The following DLGAP2 variants were observed in gnomAD, a reference collection of about 807,000 sequenced individuals.
DLGAP2 encodes the protein DLG associated protein 2.
Under a neutral mutation model 100.3 loss-of-function variants are expected in DLGAP2, and 26 were observed. That is an observed-to-expected ratio of 0.26 (90% CI 0.19 to 0.36). The LOEUF (loss-of-function observed/expected upper bound fraction) is 0.36, where lower values mean the gene tolerates loss of function less well. DLGAP2 is among the 10% of genes least tolerant of loss of function. The pLI, the probability that DLGAP2 is intolerant of heterozygous loss-of-function variation, is 1.00. For synonymous variants in DLGAP2, 886 were observed against 630.1 expected (o/e 1.41, Z -6.08); for missense variants, 1,858 against 1,453.2 (o/e 1.28, Z -4.53).
At chr8:1,679,197 G>C (rs191479925) in intron 12 of DLGAP2, among the ~76,000 whole-genome samples, 1,517 of 83,754 alleles carry the variant, frequency 0.018, 5 homozygotes, top group Middle Eastern at 0.12. Context: ...ATTCCTCTAC[G>C]GGAGTCACCA....
intron 2 of DLGAP2, among the ~76,000 whole-genome samples, chr8:950,402 A>T (rs1194523304): frequency 1.3e-5 from 2 of 152,182 alleles, no homozygotes; most frequent in Non-Finnish European, 2.9e-5. Context: ...ACATAAAATA[A>T]TGCCTCTTAC....
At chr8:1,113,965 T>G (rs1805038434) in intron 2 of DLGAP2, among the ~76,000 whole-genome samples, 1 of 152,212 alleles carries the variant, frequency 6.6e-6, no homozygotes, top group Admixed American at 6.5e-5. Flanking sequence ...CATATGGTTT[T>G]TGTCTTTAGT....
intron 2 of DLGAP2, among the ~76,000 whole-genome samples, chr8:1,248,947 C>G (rs1254009068): frequency 6.6e-6 from 1 of 152,124 alleles, no homozygotes; most frequent in East Asian, 1.9e-4. Context: ...ATGAATTTCT[C>G]AGAGAGGCTG....
intron 4 of DLGAP2, among the ~76,000 whole-genome samples, chr8:1,521,097 C>T (rs891183389): frequency 2.0e-5 from 3 of 151,588 alleles, no homozygotes; most frequent in Non-Finnish European, 2.9e-5. Flanking sequence ...AATACTCGGG[C>T]GGGAGGTGAT....
chr8:754,586 G>T (rs552058291), intron 1 of DLGAP2, among the ~76,000 whole-genome samples: 2 of 152,328 alleles, frequency 1.3e-5, no homozygotes, highest in African/African-American at 4.8e-5. Context: ...CAGGTGCGGG[G>T]CTTACACCTG....
intron 1 of DLGAP2, among the ~76,000 whole-genome samples, chr8:882,542 C>T (rs1335759692): frequency 1.6e-5 from 1 of 62,584 alleles, no homozygotes; most frequent in Non-Finnish European, 3.0e-5. Flanking sequence ...CCTGATCCAG[C>T]GGTACCTCTC....
rs550997452 is a variant in DLGAP2 at position 858,805 on chromosome 8, G to A, written c.19-49107G>A. On this transcript the variant is annotated intron_variant, in intron 1 of 14. Coordinates refer to ENST00000637795, the MANE Select transcript of DLGAP2 (RefSeq NM_001346810.2). ...TGGGCATATATGAGATGCTGTCATT[G>A]TGGCCACATGCCACCGTGCATTTCT... Among the ~76,000 whole-genome samples the A allele has an allele frequency of 2.0e-5, 3 of 152,366 alleles. No homozygotes were observed. The East Asian group carries it at 5.8e-4, about 29-fold the overall frequency.
chr8:1,569,717 G>C (rs1802573746), intron 6 of DLGAP2, among the ~76,000 whole-genome samples: 1 of 152,234 alleles, frequency 6.6e-6, no homozygotes, highest in Admixed American at 6.5e-5. Context: ...TGAGGTGCTG[G>C]AGGCTGCACA....
chr8:1,136,556 C>T (rs1309241364), intron 2 of DLGAP2, among the ~76,000 whole-genome samples: 1 of 152,206 alleles, frequency 6.6e-6, no homozygotes, highest in African/African-American at 2.4e-5. Context: ...AGTACGGTGC[C>T]TGGTGTGTAG....
chr8:800,813 G>A (rs1205037264), intron 1 of DLGAP2, among the ~76,000 whole-genome samples: 1 of 152,136 alleles, frequency 6.6e-6, no homozygotes, highest in East Asian at 1.9e-4. Context: ...GCAGGGCTGT[G>A]ACATTTGCTG....
intron 2 of DLGAP2, among the ~76,000 whole-genome samples, chr8:1,177,486 T>C (rs1797286203): frequency 6.6e-6 from 1 of 152,126 alleles, no homozygotes; most frequent in South Asian, 2.1e-4. Context: ...TCTGAATGCA[T>C]GGTGTTGATG....
rs537978098 is a variant in DLGAP2 at position 1,191,223 on chromosome 8, G to C, written c.74-67628G>C. Among the ~76,000 whole-genome samples the C allele has an allele frequency of 4.6e-3, 576 of 126,190 alleles. 3 individuals are homozygous for C. Among genetic ancestry groups the C allele is most frequent in the Non-Finnish European group, 6.4e-3 (372 of 57,724 alleles). The allele number at this position is 126,190 out of a possible 152,430, so 82.8% of individuals were successfully genotyped here. A position where few individuals can be genotyped will look rare whatever the true frequency, so the allele number is the denominator to read the frequency against. ...ATCTCACTCTGTCACCCAGGCTGGA[G>C]TACAGTGGCGCGATCTCGGCTCACT... On this transcript the variant is annotated intron_variant, in intron 2 of 14. Coordinates refer to ENST00000637795, the MANE Select transcript of DLGAP2 (RefSeq NM_001346810.2).
intron 4 of DLGAP2, among the ~76,000 whole-genome samples, chr8:1,507,050 C>A (rs1415672263): frequency 1.3e-5 from 2 of 152,250 alleles, no homozygotes; most frequent in African/African-American, 4.8e-5. Context: ...AATCTCCTAG[C>A]TACACATAAA....
intron 1 of DLGAP2, among the ~76,000 whole-genome samples, chr8:809,722 G>A (rs925760029): frequency 2.0e-5 from 3 of 152,172 alleles, no homozygotes; most frequent in African/African-American, 7.2e-5. Flanking sequence ...GTGTTTGGCT[G>A]AAGATTCCCC....
intron 3 of DLGAP2, among the ~76,000 whole-genome samples, chr8:1,391,712 C>G (rs901719984): frequency 2.6e-5 from 4 of 152,244 alleles, no homozygotes; most frequent in African/African-American, 9.6e-5. Flanking sequence ...CTTGATTTCA[C>G]TCCAGTATTT....
At chr8:1,002,489 G>A (rs1800987776) in intron 2 of DLGAP2, 2 of 152,230 alleles carry the variant, frequency 1.3e-5, no homozygotes, top group African/African-American at 4.8e-5. Flanking sequence ...AGTAACTTGT[G>A]GAATGACTGC....
At chr8:1,478,860 A>T (rs1201397245) in intron 3 of DLGAP2, among the ~76,000 whole-genome samples, 3 of 152,226 alleles carry the variant, frequency 2.0e-5, no homozygotes, top group Non-Finnish European at 4.4e-5. Flanking sequence ...GCCAGGTACA[A>T]AGGAACAAGA....
intron 3 of DLGAP2, among the ~76,000 whole-genome samples, chr8:1,354,335 A>G (rs923007761): frequency 1.3e-5 from 2 of 152,076 alleles, no homozygotes; most frequent in African/African-American, 2.4e-5. Context: ...GCAAAACCCC[A>G]TCTCTTCTAA....
chr8:1,266,646 C>A (rs368943705), intron 3 of DLGAP2, among the ~76,000 whole-genome samples: 1 of 152,164 alleles, frequency 6.6e-6, no homozygotes, highest in African/African-American at 2.4e-5. Context: ...TCAGTCACCA[C>A]GCACTGACGT....
Sources: allele counts gnomAD v4.1 joint callset (sites outside exome capture counted in the v4.1 genomes callset), GRCh38; gene constraint gnomAD v4.1.1; transcripts MANE v1.5; gene names NCBI Gene and HGNC (gene_info 2026-07-23, HGNC 2026-07-21).